The following GRK5 variants were observed in gnomAD, a reference collection of about 807,000 sequenced individuals.
GRK5 encodes G protein-coupled receptor kinase 5, also known as g protein-coupled receptor kinase GRK5.
Under a neutral mutation model 78.4 loss-of-function variants are expected in GRK5, and 40 were observed. The observed-to-expected ratio is 0.51, with a 90% confidence interval of 0.40 to 0.66. The LOEUF (loss-of-function observed/expected upper bound fraction) is 0.66. Ranked by LOEUF, GRK5 falls within the 30% of genes least tolerant of loss-of-function variation. GRK5 has a pLI of 0.00. For missense variants in GRK5, 598 were observed against 759.9 expected, an observed-to-expected ratio of 0.79 and a Z score of 2.50; for synonymous variants, 289 against 296.8, an observed-to-expected ratio of 0.97 and a Z score of 0.27.
intron 4 of GRK5, among the ~76,000 whole-genome samples, chr10:119,405,564 C>T (rs529629011): frequency 6.6e-6 from 1 of 151,068 alleles, no homozygotes; most frequent in African/African-American, 2.4e-5. Context: ...TGGCTCCCCA[C>T]CCCCACCCAG....
At chr10:119,384,857 C>T (rs745548313) in intron 3 of GRK5, among the ~76,000 whole-genome samples, 16 of 152,130 alleles carry the variant, frequency 1.1e-4, no homozygotes, top group Non-Finnish European at 2.1e-4. Context: ...AAGCCAATGA[C>T]ATGGAATGTT....
intron 1 of GRK5, among the ~76,000 whole-genome samples, chr10:119,249,988 T>C (rs1363639403): frequency 6.6e-6 from 1 of 152,192 alleles, no homozygotes; most frequent in African/African-American, 2.4e-5. Context: ...CAGTGGAGTC[T>C]CTGCTTTCCC....
chr10:119,273,306 G>T (rs1030456406), intron 1 of GRK5, among the ~76,000 whole-genome samples: 1 of 152,178 alleles, frequency 6.6e-6, no homozygotes, highest in African/African-American at 2.4e-5. Flanking sequence ...GTCATCACAG[G>T]TTGCATTAAA....
In GRK5 at chr10:119,445,331, G is replaced by C. The variant is rs1362847833; in HGVS notation, c.1266+1579G>C. Among the ~76,000 whole-genome samples the C allele has an allele frequency of 5.9e-5, 9 of 152,130 alleles. No homozygotes were observed. The highest frequency in any genetic ancestry group is 8.8e-5 in the Non-Finnish European group (6 of 68,024). On this transcript the variant is annotated intron_variant, in intron 12 of 15. Transcript: ENST00000392870. The surrounding 1 kb of genome is among the most constrained non-coding windows in gnomAD (Gnocchi z 4.1). ...GGCAGAGCATCACCAAATGTCCCAG[G>C]TCAGGGCCAGGCAATCAGAGAAGCA... is the stretch of plus-strand genomic sequence containing the variant.
chr10:119,409,672 G>A (rs191318644), intron 4 of GRK5, among the ~76,000 whole-genome samples: 2 of 152,208 alleles, frequency 1.3e-5, no homozygotes, highest in East Asian at 3.9e-4. Context: ...TGAGGGGCAG[G>A]TTCTCTTGAA....
At chr10:119,241,634 G>C (rs146072922) in intron 1 of GRK5, among the ~76,000 whole-genome samples, 25 of 152,290 alleles carry the variant, frequency 1.6e-4, no homozygotes, top group African/African-American at 5.8e-4. Context: ...GCCTTTCACT[G>C]TGCCCAGGCC....
Position 119,275,587 on chromosome 10 carries a change from GCTCTCTCT to G in GRK5, c.53-50911_53-50904del, listed in dbSNP as rs143881383. The stretch of plus-strand genomic sequence containing the variant: ...CTAAGGCATGCTTGTGCGTGTGCAC[GCTCTCTCT>G]CTCTCTCTCTCTCTCTCGCACACAC... On this transcript the variant is annotated intron_variant, in intron 1 of 15. Transcript: ENST00000392870. Among the ~76,000 whole-genome samples the G allele has an allele frequency of 7.7e-5, 10 of 130,632 alleles. No individual in the cohort carries two copies. In the South Asian group the frequency reaches 7.8e-4, roughly 10 times the overall value. 85.7% of individuals were successfully genotyped at this position (130,632 alleles called of 152,430 possible). A position where few individuals can be genotyped will look rare whatever the true frequency, so the allele number is the denominator to read the frequency against.
intron 1 of GRK5, among the ~76,000 whole-genome samples, chr10:119,258,242 T>C (rs1849319661): frequency 6.6e-6 from 1 of 152,232 alleles, no homozygotes; most frequent in African/African-American, 2.4e-5. Context: ...TCACTTAGCA[T>C]AATGTATTTG....
At position 119,452,715 on chromosome 10, in the gene GRK5, C is replaced by A; in HGVS notation, c.1449C>A (p.Phe483Leu). The change falls in exon 14 of 16, where the codon TTC (phenylalanine) becomes TTA (leucine). Residue 483 changes from phenylalanine (F) to leucine (L), a missense_variant. Physicochemically the swap from Phe to Leu is conservative, Grantham distance 22 (BLOSUM62 0). Coordinates refer to ENST00000392870, the MANE Select transcript of GRK5 (RefSeq NM_005308.3). The surrounding 1 kb of genome is among the most constrained non-coding windows in gnomAD (Gnocchi z 4.4). ...AGGACGTGCTGGACATCGAGCAGTT[C>A]TCCACTGTGAAGGGCGTCAATCTGG... is the stretch of plus-strand genomic sequence containing the variant. Reference protein sequence around the residue: ...YCKDVLDIEQFSTVKGVNLDH... With the variant: ...YCKDVLDIEQLSTVKGVNLDH... 1 of 1,614,172 alleles carries A rather than the reference C, an allele frequency of 6.2e-7. No homozygotes were observed. The highest frequency in any genetic ancestry group is 8.5e-7 in the Non-Finnish European group (1 of 1,180,024).
chr10:119,213,380 G>T lies in GRK5; in HGVS notation c.52+5411G>T, dbSNP rs184508380. Reference sequence around the variant, plus strand: ...ACAAAAATCAGCGGGGTGTGGTGGTGCCCGCATGTAATCCCAGCTACTCGG... The same window carrying T: ...ACAAAAATCAGCGGGGTGTGGTGGTTCCCGCATGTAATCCCAGCTACTCGG... On this transcript the variant is annotated intron_variant, in intron 1 of 15. Transcript: ENST00000392870. 5.1e-3 allele frequency among the ~76,000 whole-genome samples: 777 copies of T among 152,188 alleles called. 4 individuals are homozygous for T. The highest frequency in any genetic ancestry group is 0.01 in the Admixed American group (155 of 15,272).
At chr10:119,209,910 A>C (rs1848459251) in intron 1 of GRK5, among the ~76,000 whole-genome samples, 2 of 152,264 alleles carry the variant, frequency 1.3e-5, no homozygotes, top group South Asian at 4.1e-4. Flanking sequence ...TGCTTTGCTT[A>C]GAGTGGGCAA....
At chr10:119,405,557 C>A (rs1299169797) in intron 4 of GRK5, among the ~76,000 whole-genome samples, 1 of 152,102 alleles carries the variant, frequency 6.6e-6, no homozygotes, top group African/African-American at 2.4e-5. Flanking sequence ...CCTCCTCTGG[C>A]TCCCCACCCC....
At chr10:119,400,633 C>T (rs1264519472) in intron 4 of GRK5, among the ~76,000 whole-genome samples, 1 of 152,042 alleles carries the variant, frequency 6.6e-6, no homozygotes, top group Non-Finnish European at 1.5e-5. Context: ...GGGAGGGGGC[C>T]CCTCTGAGCT....
chr10:119,304,752 G>A (rs1731512561), intron 1 of GRK5, among the ~76,000 whole-genome samples: 1 of 152,206 alleles, frequency 6.6e-6, no homozygotes, highest in Non-Finnish European at 1.5e-5. Flanking sequence ...GCCTGTCTCT[G>A]TCTAGGGGTA....
chr10:119,297,997 C>T (rs1850112519), intron 1 of GRK5, among the ~76,000 whole-genome samples: 1 of 152,214 alleles, frequency 6.6e-6, no homozygotes. Context: ...CCTACCCTCA[C>T]TGGGACCTCA....
In GRK5 at chr10:119,436,695, G is replaced by A; in HGVS notation, c.783G>A (p.Leu261=). 6.2e-7 allele frequency: 1 copy of A among 1,614,220 alleles called. No homozygotes were observed. Among genetic ancestry groups the A allele is most frequent in the Non-Finnish European group, 8.5e-7 (1 of 1,180,038 alleles). Residue 261 remains leucine (L), a synonymous_variant, in exon 9 of 16, where the codon TTG becomes TTA. Coordinates refer to ENST00000392870, the MANE Select transcript of GRK5 (RefSeq NM_005308.3). ...YAYETKDALC[L]VLTIMNGGDL... is the part of the protein sequence containing the mutation. The stretch of plus-strand genomic sequence containing the variant: ...ACGAGACCAAGGATGCACTGTGCTT[G>A]GTCCTGACCATCATGAATGGGGGTG...
rs558676229 is a variant in GRK5, at chr10:119,350,593, C to A, written c.148+23982C>A. Among the ~76,000 whole-genome samples, 8 of 152,184 alleles carry A rather than the reference C, an allele frequency of 5.3e-5. No individual in the cohort carries two copies. The South Asian group carries it at 1.7e-3, about 32-fold the overall frequency. ...ATTTCACAAGAATCTTTTCAGCTGTCGAAGTGGTGCAACCCTCTTTCAGAA... is the reference window on the plus strand; with the variant it reads ...ATTTCACAAGAATCTTTTCAGCTGTAGAAGTGGTGCAACCCTCTTTCAGAA... On this transcript the variant is annotated intron_variant, in intron 2 of 15. Transcript: ENST00000392870.
rs377676063 is a variant in GRK5 at position 119,410,120 on chromosome 10, A to G, written c.340-13046A>G. 5.9e-5 allele frequency among the ~76,000 whole-genome samples: 9 copies of G among 152,340 alleles called. No homozygotes were observed. In the South Asian group the frequency reaches 8.3e-4, roughly 14 times the overall value. ...TTGGGCCTGCGGGTCACGACCAGGG[A>G]TTATCAAATTGACAGAGCTCAGCTG... On this transcript the variant is annotated intron_variant, in intron 4 of 15. Transcript: ENST00000392870.
At chr10:119,223,058 C>T (rs916576160) in intron 1 of GRK5, among the ~76,000 whole-genome samples, 7 of 152,204 alleles carry the variant, frequency 4.6e-5, no homozygotes, top group Admixed American at 4.6e-4. Flanking sequence ...TCTATTGTCG[C>T]ACAGTTCTGG....
Sources: gnomAD v4.1 joint callset for allele counts (sites outside exome capture counted in the v4.1 genomes callset) on GRCh38, gnomAD v4.1.1 for gene constraint, Gnocchi (gnomAD v3.1) non-coding constraint, MANE v1.5 for transcripts, NCBI Gene and HGNC (gene_info 2026-07-23, HGNC 2026-07-21) for gene names.